Variants in PRSS23 observed in about 807,000 individuals in gnomAD.
PRSS23 encodes serine protease 23, also known as protease, serine 23.
In PRSS23, 25 loss-of-function variants were observed where a neutral mutation model predicts 34.7. That is an observed-to-expected ratio of 0.72 (90% CI 0.53 to 1.01). PRSS23 has a LOEUF of 1.01. Among genes scored for constraint, PRSS23 ranks in the 50% least tolerant of loss-of-function variants. PRSS23 has a pLI of 0.00. For missense variants in PRSS23, 445 were observed against 475.6 expected, an observed-to-expected ratio of 0.94 and a Z score of 0.60; for synonymous variants, 176 against 186.6, an observed-to-expected ratio of 0.94 and a Z score of 0.46.
Position 86,807,896 on chromosome 11 carries a change from C to G in PRSS23, c.253C>G (p.Leu85Val). 6 of 1,614,168 alleles carry G rather than the reference C, an allele frequency of 3.7e-6. No individual in the cohort carries two copies. Among genetic ancestry groups the G allele is most frequent in the Non-Finnish European group, 5.1e-6 (6 of 1,180,032 alleles). Residue 85 changes from leucine to valine, a missense_variant, in exon 2 of 2, where the codon CTG becomes GTG. Physicochemically the swap from Leu to Val is conservative, Grantham distance 32 (BLOSUM62 1). Transcript: ENST00000280258. ...LPTYEEAKQY[L>V]SYETLYANGS... ...CACTTACGAAGAGGCCAAGCAATATCTGTCTTATGAAACGCTCTATGCCAA... is the reference window on the plus strand; with the variant it reads ...CACTTACGAAGAGGCCAAGCAATATGTGTCTTATGAAACGCTCTATGCCAA...
chr11:86,901,817 A>G (rs1312853874), intron 2 of PRSS23, among the ~76,000 whole-genome samples: 1 of 152,186 alleles, frequency 6.6e-6, no homozygotes, highest in African/African-American at 2.4e-5. Context: ...AGCTGTTCCC[A>G]TAACTAAAGA....
chr11:86,838,599 G>A (rs1279799032), intron 2 of PRSS23, among the ~76,000 whole-genome samples: 1 of 152,196 alleles, frequency 6.6e-6, no homozygotes, highest in Non-Finnish European at 1.5e-5. Context: ...ATCCCTGTCT[G>A]ACAGCTCTGA....
chr11:86,935,946 T>G (rs929377761), intron 2 of PRSS23: 3 of 152,190 alleles, frequency 2.0e-5, no homozygotes, highest in African/African-American at 7.2e-5. Flanking sequence ...AGCAAAGCAT[T>G]AAACAAAGCA....
At chr11:86,828,101 G>C (rs1459123618) in intron 2 of PRSS23, among the ~76,000 whole-genome samples, 24 of 152,308 alleles carry the variant, frequency 1.6e-4, no homozygotes, top group African/African-American at 5.3e-4. Context: ...GAGTGTTAAA[G>C]TCTCCCATTA....
chr11:86,924,728 G>A (rs1237750425), intron 2 of PRSS23, among the ~76,000 whole-genome samples: 1 of 152,210 alleles, frequency 6.6e-6, no homozygotes, highest in African/African-American at 2.4e-5. Flanking sequence ...TTGAGTTGAA[G>A]AGTAGGAAAG....
chr11:86,881,397 G>A (rs904122947), intron 2 of PRSS23, among the ~76,000 whole-genome samples: 1 of 151,594 alleles, frequency 6.6e-6, no homozygotes, highest in Non-Finnish European at 1.5e-5. Context: ...GGTGCATCAC[G>A]TTGATTAATT....
At chr11:86,932,681 C>G (rs987036383) in intron 2 of PRSS23, 1 of 151,770 alleles carries the variant, frequency 6.6e-6, no homozygotes, top group African/African-American at 2.4e-5. Context: ...CTCAAAACCA[C>G]TTGGAATGAG....
intron 1 of PRSS23, among the ~76,000 whole-genome samples, chr11:86,804,984 G>A (rs946520290): frequency 2.6e-5 from 4 of 152,070 alleles, no homozygotes; most frequent in Non-Finnish European, 5.9e-5. Flanking sequence ...TTGGACCTCC[G>A]CATTCTGTGT....
At chr11:86,813,658 T>A (rs1305301439), downstream of PRSS23, among the ~76,000 whole-genome samples, 1 of 150,414 alleles carries the variant, frequency 6.6e-6, no homozygotes, top group African/African-American at 2.5e-5. Flanking sequence ...TTAAGCCTAA[T>A]AAAATGTGTT....
At chr11:86,864,988 C>G (rs1283176024) in intron 2 of PRSS23, among the ~76,000 whole-genome samples, 1 of 152,220 alleles carries the variant, frequency 6.6e-6, no homozygotes, top group Non-Finnish European at 1.5e-5. Context: ...ATTTTGCCAT[C>G]TGAAAATGAT....
chr11:86,908,478 A>G (rs1168037760), intron 2 of PRSS23, among the ~76,000 whole-genome samples: 1 of 152,210 alleles, frequency 6.6e-6, no homozygotes, highest in Non-Finnish European at 1.5e-5. Context: ...GAGGAACAGG[A>G]GGAAATAAGA....
At chr11:86,812,787 CAA>C (rs35855610), downstream of PRSS23, among the ~76,000 whole-genome samples, 10,425 of 83,628 alleles carry the variant, frequency 0.12, 429 homozygotes, top group Non-Finnish European at 0.18. Context: ...GACTCTGTCT[CAA>C]AAAAAAAAAA....
At chr11:86,880,332 T>C (rs1471773699) in intron 2 of PRSS23, among the ~76,000 whole-genome samples, 21 of 150,926 alleles carry the variant, frequency 1.4e-4, no homozygotes, top group Non-Finnish European at 7.4e-5. Flanking sequence ...GTCCTCTGCA[T>C]AGGAAAACCA....
intron 1 of PRSS23, among the ~76,000 whole-genome samples, chr11:86,817,226 T>C (rs1948220828): frequency 6.6e-6 from 1 of 152,196 alleles, no homozygotes; most frequent in East Asian, 1.9e-4. Flanking sequence ...TGGATCATGT[T>C]TTTCCTGACT....
chr11:86,939,426 A>ATATATATTTTTTTTT lies in PRSS23; in HGVS notation c.207-11789_207-11788insATATATTTTTTTTTT. ...AAAATATATATATATATATATATAT[A>ATATATATTTTTTTTT]TTTTTTAACATGAGTAAAAATTGCA... On this transcript the variant is annotated intron_variant, in intron 2 of 2. Transcript: ENST00000533902. 8.7e-3 allele frequency among the ~76,000 whole-genome samples: 815 copies of ATATATATTTTTTTTT among 93,848 alleles called. 9 individuals carry two copies. Among genetic ancestry groups the ATATATATTTTTTTTT allele is most frequent in the East Asian group, 0.041 (138 of 3,330 alleles). The allele number at this position is 93,848 out of a possible 152,430, so 61.6% of individuals were successfully genotyped here.
chr11:86,835,145 C>A (rs1333345756), intron 2 of PRSS23, among the ~76,000 whole-genome samples: 1 of 152,170 alleles, frequency 6.6e-6, no homozygotes, highest in African/African-American at 2.4e-5. Context: ...AGTAATAGAG[C>A]CTGATATTTA....
rs112544622 is a variant in PRSS23 at position 86,835,932 on chromosome 11, C to A, written c.206+12339C>A. 8.9e-4 allele frequency among the ~76,000 whole-genome samples: 135 copies of A among 152,226 alleles called. 1 individual carries two copies. Among genetic ancestry groups the A allele is most frequent in the African/African-American group, 3.1e-3 (127 of 41,526 alleles). On this transcript the variant is annotated intron_variant, in intron 2 of 2. Transcript: ENST00000533902. ...ATTGGCTCAAGTTTTGGGCTAATAC[C>A]TGGCCAAATAGATGGGGGCTATCCC... is the stretch of plus-strand genomic sequence containing the variant.
intron 2 of PRSS23, among the ~76,000 whole-genome samples, chr11:86,862,325 C>T (rs1017131676): frequency 6.6e-6 from 1 of 151,532 alleles, no homozygotes; most frequent in African/African-American, 2.4e-5. Context: ...TTATTTGTAT[C>T]ATTTTTAGGG....
At chr11:86,872,887 C>G (rs1477129382) in intron 2 of PRSS23, among the ~76,000 whole-genome samples, 2 of 152,134 alleles carry the variant, frequency 1.3e-5, no homozygotes, top group Non-Finnish European at 2.9e-5. Flanking sequence ...GGGATAATAA[C>G]TACCTCATGG....
Sources: gnomAD v4.1 joint callset for allele counts (sites outside exome capture counted in the v4.1 genomes callset) on GRCh38, gnomAD v4.1.1 for gene constraint, MANE v1.5 for transcripts, NCBI Gene and HGNC (gene_info 2026-07-23, HGNC 2026-07-21) for gene names.